FBXL7: variants seen among roughly 807,000 people sequenced by gnomAD.
FBXL7 encodes F-box and leucine rich repeat protein 7.
A neutral mutation model predicts 38.3 loss-of-function variants in FBXL7; 12 were observed. The ratio of observed to expected loss-of-function variants is 0.31; its 90% CI spans 0.20 to 0.51. The LOEUF is 0.51. Among genes scored for constraint, FBXL7 ranks in the 20% least tolerant of loss-of-function variants. The pLI is 0.98. For missense variants in FBXL7, 567 were observed against 676.4 expected (o/e 0.84, Z 1.79); for synonymous variants, 297 against 300.9 (o/e 0.99, Z 0.13).
At chr5:15,819,150 C>T (rs893268152) in intron 2 of FBXL7, among the ~76,000 whole-genome samples, 34 of 152,130 alleles carry the variant, frequency 2.2e-4, no homozygotes, top group Admixed American at 1.2e-3. Context: ...GTATCTCTGT[C>T]GCAGCTACTC....
chr5:15,794,236 C>T lies in FBXL7; in HGVS notation c.128-133654C>T, dbSNP rs78174643. ...AGAATGCCTTTCTGTACATTTGCAC[C>T]AGTTCCATAGAAAGTTTTTAACACT... On this transcript the variant is annotated intron_variant, in intron 2 of 3. Transcript: ENST00000504595. Among the ~76,000 whole-genome samples the T allele has an allele frequency of 1.9e-3, 282 of 152,272 alleles. 1 individual carries two copies. Among genetic ancestry groups the T allele is most frequent in the Middle Eastern group, 0.01 (3 of 292 alleles).
At chr5:15,528,838 G>T (rs1419409149) in intron 1 of FBXL7, among the ~76,000 whole-genome samples, 1 of 151,980 alleles carries the variant, frequency 6.6e-6, no homozygotes, top group African/African-American at 2.4e-5. Context: ...GTATATATTC[G>T]TTGCATACAG....
At chr5:15,746,877 G>A (rs1480940806) in intron 2 of FBXL7, among the ~76,000 whole-genome samples, 2 of 151,884 alleles carry the variant, frequency 1.3e-5, no homozygotes, top group Admixed American at 6.6e-5. Context: ...TACTAAATAC[G>A]AGTGCCACTT....
At chr5:15,604,897 G>C (rs1739954565) in intron 1 of FBXL7, among the ~76,000 whole-genome samples, 1 of 152,090 alleles carries the variant, frequency 6.6e-6, no homozygotes, top group Non-Finnish European at 1.5e-5. Flanking sequence ...GAATCCCCTA[G>C]TCATCCACTG....
chr5:15,813,697 C>T (rs1189177563), intron 2 of FBXL7, among the ~76,000 whole-genome samples: 1 of 151,970 alleles, frequency 6.6e-6, no homozygotes, highest in Non-Finnish European at 1.5e-5. Flanking sequence ...GGCTAATATC[C>T]AGAATCTACA....
chr5:15,617,100 G>C (rs1429376519), intron 2 of FBXL7, among the ~76,000 whole-genome samples: 1 of 152,210 alleles, frequency 6.6e-6, no homozygotes, highest in Non-Finnish European at 1.5e-5. Context: ...GTAATTGTAT[G>C]TGGTTTACAT....
chr5:15,725,109 C>T (rs1286821222), intron 2 of FBXL7, among the ~76,000 whole-genome samples: 1 of 152,122 alleles, frequency 6.6e-6, no homozygotes, highest in East Asian at 1.9e-4. Flanking sequence ...TATTAATTGA[C>T]ATTTTCTAGT....
intron 1 of FBXL7, among the ~76,000 whole-genome samples, chr5:15,530,360 CTATT>C (rs1364500187): frequency 2.6e-5 from 4 of 152,134 alleles, no homozygotes; most frequent in Non-Finnish European, 4.4e-5. Context: ...GAATAAGACA[CTATT>C]TATTGTTAGT....
At chr5:15,912,294 G>GC (rs1741452805) in intron 2 of FBXL7, among the ~76,000 whole-genome samples, 2 of 113,498 alleles carry the variant, frequency 1.8e-5, no homozygotes, top group East Asian at 2.5e-4. Context: ...TTTTCCAGGT[G>GC]CGTCCGTCAC....
chr5:15,707,174 GTTTT>G (rs71603796), intron 2 of FBXL7, among the ~76,000 whole-genome samples: 2 of 70,392 alleles, frequency 2.8e-5, no homozygotes, highest in African/African-American at 5.8e-5. Context: ...TTTTCTTTTC[GTTTT>G]TTTTTTTTTT....
At chr5:15,819,915 T>C (rs1260206792) in intron 2 of FBXL7, among the ~76,000 whole-genome samples, 1 of 152,196 alleles carries the variant, frequency 6.6e-6, no homozygotes, top group Non-Finnish European at 1.5e-5. Flanking sequence ...AGTGGTAGAA[T>C]ACAGAAACTA....
intron 2 of FBXL7, 93 bp from the exon 3 acceptor site, chr5:15,927,797 A>AT: frequency 1.2e-6 from 1 of 846,476 alleles, no homozygotes; most frequent in Non-Finnish European, 1.5e-6. Context: ...AGAAGAAGAA[A>AT]GAAAAGAAAA....
chr5:15,548,039 G>T (rs142464000), intron 1 of FBXL7, among the ~76,000 whole-genome samples: 2 of 152,252 alleles, frequency 1.3e-5, no homozygotes, highest in East Asian at 1.9e-4. Flanking sequence ...TCCTCCACTG[G>T]CATTCTAATT....
chr5:15,682,189 A>T (rs1263104627), intron 2 of FBXL7, among the ~76,000 whole-genome samples: 1 of 152,240 alleles, frequency 6.6e-6, no homozygotes, highest in Non-Finnish European at 1.5e-5. Flanking sequence ...TATCCATCAT[A>T]GGTGAACTTG....
chr5:15,826,078 A>G (rs2126768812), intron 2 of FBXL7, among the ~76,000 whole-genome samples: 1 of 152,344 alleles, frequency 6.6e-6, no homozygotes, highest in East Asian at 1.9e-4. Context: ...GCTAGGTAAC[A>G]GGCACCAGGC....
intron 2 of FBXL7, among the ~76,000 whole-genome samples, chr5:15,628,214 A>T (rs754765381): frequency 6.6e-6 from 1 of 152,142 alleles, no homozygotes; most frequent in African/African-American, 2.4e-5. Flanking sequence ...AGGGACATTT[A>T]TTCTTCTAAA....
At chr5:15,717,796 GC>G (rs989896035) in intron 2 of FBXL7, among the ~76,000 whole-genome samples, 3 of 152,126 alleles carry the variant, frequency 2.0e-5, no homozygotes, top group African/African-American at 7.2e-5. Flanking sequence ...CTTAAAAAAT[GC>G]CAATGTCATG....
rs368608823 is a variant in FBXL7 at position 15,744,165 on chromosome 5, C to G, written c.127+128093C>G. Among the ~76,000 whole-genome samples, 4 of 152,214 alleles carry G rather than the reference C, an allele frequency of 2.6e-5. No individual in the cohort carries two copies. In the East Asian group the frequency reaches 7.7e-4, roughly 29 times the overall value. Reference sequence around the variant, plus strand: ...TTGTTACTCATGCAAATTTCTGAAGCCAGCTTAAATTTCTCCCTGGAAAAT... The same window carrying G: ...TTGTTACTCATGCAAATTTCTGAAGGCAGCTTAAATTTCTCCCTGGAAAAT... On this transcript the variant is annotated intron_variant, in intron 2 of 3. Transcript: ENST00000504595.
chr5:15,880,172 C>G (rs573797733), intron 2 of FBXL7, among the ~76,000 whole-genome samples: 4 of 152,290 alleles, frequency 2.6e-5, no homozygotes, highest in Non-Finnish European at 5.9e-5. Context: ...GCTGGTGCTG[C>G]CTCTACCATT....
Sources: allele counts gnomAD v4.1 joint callset (sites outside exome capture counted in the v4.1 genomes callset), GRCh38; gene constraint gnomAD v4.1.1; transcripts MANE v1.5; gene names NCBI Gene and HGNC (gene_info 2026-07-23, HGNC 2026-07-21).